MPIG6B: variants seen among roughly 807,000 people sequenced by gnomAD.
MPIG6B encodes the protein immunoglobulin receptor.
In MPIG6B, 22 loss-of-function variants were observed where a neutral mutation model predicts 24.2. The ratio of observed to expected loss-of-function variants is 0.91; its 90% CI spans 0.65 to 1.30. MPIG6B has a LOEUF of 1.30. Ranked by LOEUF, MPIG6B falls within the 50% of genes most tolerant of loss-of-function variation. MPIG6B has a pLI of 0.00. For synonymous variants in MPIG6B, 136 were observed against 142.0 expected, an observed-to-expected ratio of 0.96 and a Z score of 0.30; for missense variants, 301 against 318.5, an observed-to-expected ratio of 0.94 and a Z score of 0.42.
chr6:31,723,941 G>C lies in MPIG6B; in HGVS notation c.364G>C (p.Val122Leu), dbSNP rs749928985. The change falls in exon 2 of 6, where the codon GTG becomes CTG. Residue 122 changes from valine (V) to leucine (L), a missense_variant. By Grantham distance (32) the Val-to-Leu change is conservative. Transcript: ENST00000649779. This position sits in a 1 kb window ranked among gnomAD's most constrained non-coding sequence, Gnocchi z 4.3. ...HEDESRTVLH[V>L]LGDRTYCKAP... is the part of the protein sequence containing the mutation. ...GGACGAGAGCCGTACAGTGCTTCACGTGCTGGGGGACAGGACCTATTGCAA... is the reference window on the plus strand; with the variant it reads ...GGACGAGAGCCGTACAGTGCTTCACCTGCTGGGGGACAGGACCTATTGCAA... The C allele has an allele frequency of 1.3e-6, 2 of 1,569,724 alleles. No individual in the cohort carries two copies. The highest frequency in any genetic ancestry group is 1.7e-6 in the Non-Finnish European group (2 of 1,156,528).
chr6:31,723,206 C>T (rs1806937875), upstream of MPIG6B: 1 of 651,116 alleles, frequency 1.5e-6, no homozygotes, highest in Middle Eastern at 4.0e-4. The surrounding 1 kb of genome is among the most constrained non-coding windows in gnomAD (Gnocchi z 4.3). Flanking sequence ...CATTTGAAGA[C>T]TCCGAGTTTG....
chr6:31,725,222 G>T lies in MPIG6B; in HGVS notation c.*148G>T. 1.6e-6 allele frequency: 1 copy of T among 621,122 alleles called. No homozygotes were observed. The allele number at this position is 621,122 out of a possible 1,614,324, so 38.5% of individuals were successfully genotyped here. On this transcript the variant is annotated 3_prime_UTR_variant, in exon 6 of 6. Coordinates refer to ENST00000649779, the MANE Select transcript of MPIG6B (RefSeq NM_138272.3). The surrounding 1 kb of genome is among the most constrained non-coding windows in gnomAD (Gnocchi z 5.2). ...GGGAGTTGGGAGACCTGGGTTCCAG[G>T]CTGTCTCTGCCACTGGTCTTACTTC... is the stretch of plus-strand genomic sequence containing the variant.
In MPIG6B at chr6:31,723,903, A is replaced by T; in HGVS notation, c.326A>T (p.Lys109Met). The change falls in exon 2 of 6, where the codon AAG (lysine) becomes ATG (methionine). Residue 109 changes from lysine to methionine, a missense_variant. Coordinates refer to ENST00000649779, the MANE Select transcript of MPIG6B (RefSeq NM_138272.3). This position sits in a 1 kb window ranked among gnomAD's most constrained non-coding sequence, Gnocchi z 4.3. ...SAGDSGTFFC[K>M]GRHEDESRTV... ...GGGGACTCGGGCACTTTTTTCTGCA[A>T]GGGCCGCCACGAGGACGAGAGCCGT... is the stretch of plus-strand genomic sequence containing the variant. 1 of 1,603,498 alleles carries T rather than the reference A, an allele frequency of 6.2e-7. No individual in the cohort carries two copies. The highest frequency in any genetic ancestry group is 8.5e-7 in the Non-Finnish European group (1 of 1,174,654).
At position 31,724,247 on chromosome 6, in the gene MPIG6B, C is replaced by T; in HGVS notation, c.500+15C>T. 1 of 1,603,782 alleles carries T rather than the reference C, an allele frequency of 6.2e-7. No homozygotes were observed. The highest frequency in any genetic ancestry group is 8.5e-7 in the Non-Finnish European group (1 of 1,173,036). On this transcript the variant is annotated intron_variant, in intron 3 of 5. Coordinates refer to ENST00000649779, the MANE Select transcript of MPIG6B (RefSeq NM_138272.3). The stretch of plus-strand genomic sequence containing the variant: ...TGGCTGCACAGGTGAGCAGGAGGGA[C>T]CCGGCCTCGTTAAATGGGGAGTGAC...
upstream of MPIG6B, among the ~76,000 whole-genome samples, chr6:31,722,415 C>G (rs1310684249): frequency 6.6e-6 from 1 of 152,140 alleles, no homozygotes; most frequent in East Asian, 1.9e-4. Context: ...CCTTGTTGCT[C>G]CAGTCCAGCA....
In MPIG6B at chr6:31,723,610, C is replaced by T. The variant is rs1300151910; in HGVS notation, c.62-29C>T. ...AGGGTCGTCTTGCCCTGTGGACGTG[C>T]CCTAACCACAGCCTCCGGCCTCTCC... is the stretch of plus-strand genomic sequence containing the variant. On this transcript the variant is annotated intron_variant, in intron 1 of 5. Transcript: ENST00000649779. This position sits in a 1 kb window ranked among gnomAD's most constrained non-coding sequence, Gnocchi z 4.3. 1 of 1,519,300 alleles carries T rather than the reference C, an allele frequency of 6.6e-7. No individual in the cohort carries two copies. Among genetic ancestry groups the T allele is most frequent in the Non-Finnish European group, 8.9e-7 (1 of 1,126,882 alleles). 94.1% of individuals were successfully genotyped at this position (1,519,300 alleles called of 1,614,324 possible).
upstream of MPIG6B, chr6:31,723,298 C>T (rs1296605894): frequency 5.3e-6 from 5 of 940,786 alleles, no homozygotes; most frequent in Non-Finnish European, 4.9e-6. The surrounding 1 kb of genome is among the most constrained non-coding windows in gnomAD (Gnocchi z 4.3). Flanking sequence ...CCTCCGTTCT[C>T]CCCACGCCTA....
At chr6:31,724,091 C>T (rs772314539) in intron 2 of MPIG6B, 51 bp from the exon 3 acceptor site, 3 of 1,583,678 alleles carry the variant, frequency 1.9e-6, no homozygotes, top group African/African-American at 2.7e-5. Flanking sequence ...CTGGCTGTCC[C>T]TCGTCAAACC....
In MPIG6B at chr6:31,725,011, GC is replaced by G; in HGVS notation, c.667del (p.Arg223AlafsTer18). 17 of 1,613,862 alleles carry G rather than the reference GC, an allele frequency of 1.1e-5. No homozygotes were observed. Among genetic ancestry groups the G allele is most frequent in the Non-Finnish European group, 1.4e-5 (17 of 1,180,006 alleles). The part of the protein sequence containing the change: ...ADLDHLALSR[P>X]RRLSTADPAD... ...ATCTGGACCATCTAGCCCTCAGCAG[GC>G]CCCGCCGGCTGTCCACAGCGGACCC... On this transcript the variant is annotated frameshift_variant, in exon 6 of 6. Coordinates refer to ENST00000649779, the MANE Select transcript of MPIG6B (RefSeq NM_138272.3). LOFTEE classifies it high-confidence loss of function. The surrounding 1 kb of genome is among the most constrained non-coding windows in gnomAD (Gnocchi z 5.2).
rs1474041576 is a variant in MPIG6B at position 31,723,877 on chromosome 6, G to T, written c.300G>T (p.Ala100=). Residue 100 remains alanine, a synonymous_variant, in exon 2 of 6, where the codon GCG becomes GCT. Coordinates refer to ENST00000649779, the MANE Select transcript of MPIG6B (RefSeq NM_138272.3). The surrounding 1 kb of genome is among the most constrained non-coding windows in gnomAD (Gnocchi z 4.3). ...GGCGGCTGGAGCTCCTCTTGAGCGCGGGGGACTCGGGCACTTTTTTCTGCA... is the reference window on the plus strand; with the variant it reads ...GGCGGCTGGAGCTCCTCTTGAGCGCTGGGGACTCGGGCACTTTTTTCTGCA... ...GIRRLELLLS[A]GDSGTFFCKG... 2 of 1,609,748 alleles carry T rather than the reference G, an allele frequency of 1.2e-6. No homozygotes were observed. Among genetic ancestry groups the T allele is most frequent in the African/African-American group, 2.7e-5 (2 of 74,734 alleles).
At chr6:31,724,077 A>T (rs1807109450) in intron 2 of MPIG6B, 65 bp from the exon 3 acceptor site, 2 of 1,578,856 alleles carry the variant, frequency 1.3e-6, no homozygotes. Flanking sequence ...CTTGAGCGGG[A>T]CTGCTGGCTG....
At position 31,723,443 on chromosome 6, in the gene MPIG6B, G is replaced by T. The variant is rs775357589; in HGVS notation, c.60G>T (p.Gly20=). 1 of 1,612,608 alleles carries T rather than the reference G, an allele frequency of 6.2e-7. No homozygotes were observed. The change falls in exon 1 of 6, where the codon GGG becomes GGT. Residue 20 remains glycine (G), a splice_region_variant and synonymous_variant. Transcript: ENST00000649779. The surrounding 1 kb of genome is among the most constrained non-coding windows in gnomAD (Gnocchi z 4.3). ...LLLSRAQGNP[G]ASLDGRPGDR... Reference sequence around the variant, plus strand: ...TCTCGAGGGCCCAAGGGAACCCTGGGGGTAAGCGATCCCTGGGAGAGTTGT... The same window carrying T: ...TCTCGAGGGCCCAAGGGAACCCTGGTGGTAAGCGATCCCTGGGAGAGTTGT...
upstream of MPIG6B, chr6:31,723,155 C>T (rs1242967764): frequency 5.0e-6 from 3 of 600,516 alleles, no homozygotes; most frequent in Non-Finnish European, 8.9e-6. This position sits in a 1 kb window ranked among gnomAD's most constrained non-coding sequence, Gnocchi z 4.3. Context: ...CAGGCCAAAG[C>T]ATTTGTGTAA....
intron 2 of MPIG6B, 68 bp from the exon 3 acceptor site, chr6:31,724,074 G>T (rs188943328): frequency 2.6e-4 from 413 of 1,575,076 alleles, no homozygotes; most frequent in Non-Finnish European, 3.0e-4. Flanking sequence ...GTTCTTGAGC[G>T]GGACTGCTGG....
chr6:31,725,168 C>T lies in MPIG6B; in HGVS notation c.*94C>T. ...TGGTTCCTCACCTGGAAGAGGAAGGCACCATGGTATAGAAATAAGTGCTAG... is the reference window on the plus strand; with the variant it reads ...TGGTTCCTCACCTGGAAGAGGAAGGTACCATGGTATAGAAATAAGTGCTAG... On this transcript the variant is annotated 3_prime_UTR_variant, in exon 6 of 6. Transcript: ENST00000649779. This position sits in a 1 kb window ranked among gnomAD's most constrained non-coding sequence, Gnocchi z 5.2. 1.1e-6 allele frequency: 1 copy of T among 891,242 alleles called. No homozygotes were observed. The allele number at this position is 891,242 out of a possible 1,614,324, so 55.2% of individuals were successfully genotyped here.
upstream of MPIG6B, among the ~76,000 whole-genome samples, chr6:31,721,271 A>C (rs1806765032): frequency 6.6e-6 from 1 of 152,156 alleles, no homozygotes; most frequent in South Asian, 2.1e-4. Flanking sequence ...AGGAGAAGGC[A>C]GGTAAGCTAG....
chr6:31,722,598 T>C (rs886223281), upstream of MPIG6B, among the ~76,000 whole-genome samples: 2 of 152,196 alleles, frequency 1.3e-5, no homozygotes, highest in African/African-American at 4.8e-5. Context: ...GGCTCACACC[T>C]GTAATCTCAG....
At chr6:31,723,326 C>T, upstream of MPIG6B, 2 of 1,498,372 alleles carry the variant, frequency 1.3e-6, no homozygotes, top group South Asian at 1.2e-5. The surrounding 1 kb of genome is among the most constrained non-coding windows in gnomAD (Gnocchi z 4.3). Context: ...TCCGGTCCCC[C>T]CCCAACCGGC....
intron 3 of MPIG6B, 154 bp downstream of exon 3, chr6:31,724,386 A>C: frequency 1.3e-6 from 1 of 757,112 alleles, no homozygotes; most frequent in Admixed American, 2.3e-5. Context: ...GAGGCCGCTG[A>C]CTGGTGAGTA....
Sources: gnomAD v4.1 joint callset for allele counts (sites outside exome capture counted in the v4.1 genomes callset) on GRCh38, gnomAD v4.1.1 for gene constraint, Gnocchi (gnomAD v3.1) non-coding constraint, MANE v1.5 for transcripts, NCBI Gene and HGNC (gene_info 2026-07-23, HGNC 2026-07-21) for gene names.